Variants in LGSN observed in about 807,000 individuals in gnomAD.
LGSN encodes lengsin, lens protein with glutamine synthetase domain.
LGSN carries 21 observed loss-of-function variants against 19.5 expected under a neutral mutation model. That is an observed-to-expected ratio of 1.07 (90% CI 0.76 to 1.55). LGSN has a LOEUF of 1.55. LGSN is among the 40% of genes most tolerant of loss of function. LGSN has a pLI of 0.00. For missense variants in LGSN, 673 were observed against 608.5 expected, an observed-to-expected ratio of 1.11 and a Z score of -1.12; for synonymous variants, 257 against 215.6, an observed-to-expected ratio of 1.19 and a Z score of -1.68.
chr6:63,458,324 C>T, the LGSN span, among the ~76,000 whole-genome samples: 51 of 152,270 alleles, frequency 3.3e-4, no homozygotes, highest in African/African-American at 1.2e-3. Context: ...ACCTCGGCCT[C>T]CCAAAGTGCT....
the LGSN span, among the ~76,000 whole-genome samples, chr6:63,532,566 C>T: frequency 6.6e-6 from 1 of 151,702 alleles, no homozygotes. Context: ...GCCATTAAAT[C>T]CACAAAAAAA....
At chr6:63,458,393 A>G in the LGSN span, among the ~76,000 whole-genome samples, 6 of 152,112 alleles carry the variant, frequency 3.9e-5, no homozygotes, top group Non-Finnish European at 7.4e-5. Flanking sequence ...AAGTGACCAT[A>G]TATATTAGCG....
At chr6:63,421,020 A>G in the LGSN span, among the ~76,000 whole-genome samples, 1 of 151,428 alleles carries the variant, frequency 6.6e-6, no homozygotes, top group Non-Finnish European at 1.5e-5. Context: ...TGAACTCAAC[A>G]GCAGAATGTG....
chr6:63,403,028 C>T, the LGSN span, among the ~76,000 whole-genome samples: 1 of 151,920 alleles, frequency 6.6e-6, no homozygotes, highest in African/African-American at 2.4e-5. Context: ...TGTCAAGCCC[C>T]ACAATCACAT....
the LGSN span, among the ~76,000 whole-genome samples, chr6:63,542,161 G>C: frequency 6.6e-6 from 1 of 151,926 alleles, no homozygotes; most frequent in African/African-American, 2.4e-5. Context: ...TCTAAGTGAA[G>C]TAACTCAGGA....
chr6:63,379,416 C>T, the LGSN span, among the ~76,000 whole-genome samples: 2 of 152,172 alleles, frequency 1.3e-5, no homozygotes, highest in Non-Finnish European at 1.5e-5. Flanking sequence ...AAAGAAGGGC[C>T]TCAGCGTAGC....
At chr6:63,404,563 G>C in the LGSN span, among the ~76,000 whole-genome samples, 1 of 152,020 alleles carries the variant, frequency 6.6e-6, no homozygotes, top group Non-Finnish European at 1.5e-5. Flanking sequence ...TGTCTGCTGA[G>C]GGACCACTTT....
intron 1 of LGSN, among the ~76,000 whole-genome samples, chr6:63,303,873 G>A (rs1018076826): frequency 1.3e-5 from 2 of 152,092 alleles, no homozygotes; most frequent in African/African-American, 4.8e-5. Flanking sequence ...ACTTGTTAGA[G>A]ACCTTAAGGT....
the LGSN span, among the ~76,000 whole-genome samples, chr6:63,544,331 AT>A: frequency 6.6e-6 from 1 of 152,196 alleles, no homozygotes; most frequent in Non-Finnish European, 1.5e-5. Flanking sequence ...ACCTATGTAT[AT>A]ACATTATTTC....
the LGSN span, among the ~76,000 whole-genome samples, chr6:63,365,741 A>G: frequency 2.0e-5 from 3 of 152,058 alleles, no homozygotes; most frequent in South Asian, 2.1e-4. Flanking sequence ...TATCCACCAC[A>G]ATTAAGTTGG....
upstream of LGSN, among the ~76,000 whole-genome samples, chr6:63,321,693 C>T (rs1307323219): frequency 6.6e-6 from 1 of 152,018 alleles, no homozygotes; most frequent in African/African-American, 2.4e-5. Flanking sequence ...AAAGTATTAC[C>T]ATTATTTAGA....
the LGSN span, among the ~76,000 whole-genome samples, chr6:63,524,200 G>T: frequency 6.6e-6 from 1 of 152,076 alleles, no homozygotes; most frequent in Non-Finnish European, 1.5e-5. Context: ...GTCCAGGCTG[G>T]TCTCAAACTC....
chr6:63,366,743 T>G, the LGSN span, among the ~76,000 whole-genome samples: 1 of 152,142 alleles, frequency 6.6e-6, no homozygotes, highest in Non-Finnish European at 1.5e-5. Flanking sequence ...AAAACATAGA[T>G]ATAGACCAAT....
the LGSN span, among the ~76,000 whole-genome samples, chr6:63,363,427 A>C: frequency 6.6e-6 from 1 of 152,230 alleles, no homozygotes; most frequent in Non-Finnish European, 1.5e-5. Context: ...GTTCCAACCC[A>C]TCGCAAAGAA....
At chr6:63,439,809 C>A in the LGSN span, among the ~76,000 whole-genome samples, 5 of 152,326 alleles carry the variant, frequency 3.3e-5, no homozygotes, top group Admixed American at 6.5e-5. Context: ...CTCTACTCTT[C>A]TTTAAGGTCC....
At chr6:63,544,615 A>C in the LGSN span, among the ~76,000 whole-genome samples, 1 of 152,118 alleles carries the variant, frequency 6.6e-6, no homozygotes, top group African/African-American at 2.4e-5. Flanking sequence ...TTTGATCTTA[A>C]TAGTGGATCA....
chr6:63,394,221 G>T, the LGSN span, among the ~76,000 whole-genome samples: 1 of 152,076 alleles, frequency 6.6e-6, no homozygotes, highest in Non-Finnish European at 1.5e-5. Context: ...CCGAGATCAC[G>T]CCACTGCACT....
chr6:63,543,840 T>C, the LGSN span, among the ~76,000 whole-genome samples: 1 of 152,236 alleles, frequency 6.6e-6, no homozygotes, highest in African/African-American at 2.4e-5. Context: ...GAGTTTCTTT[T>C]AGATCCCCAA....
At chr6:63,473,743 T>A in the LGSN span, among the ~76,000 whole-genome samples, 3 of 148,598 alleles carry the variant, frequency 2.0e-5, no homozygotes, top group Non-Finnish European at 4.5e-5. Flanking sequence ...ATCCCATTTA[T>A]CCGCATCTGT....
Sources: allele counts gnomAD v4.1 joint callset (sites outside exome capture counted in the v4.1 genomes callset), GRCh38; gene constraint gnomAD v4.1.1; transcripts MANE v1.5; gene names NCBI Gene and HGNC (gene_info 2026-07-23, HGNC 2026-07-21).